FIGN: variants seen among roughly 807,000 people sequenced by gnomAD.
The protein encoded by FIGN is fidgetin, microtubule severing factor.
In FIGN, 11 loss-of-function variants were observed where a neutral mutation model predicts 51.3. The observed-to-expected ratio is 0.21, with a 90% CI of 0.13 to 0.35. The LOEUF is 0.35. FIGN is among the 10% of genes least tolerant of loss of function. The pLI is 1.00. For synonymous variants in FIGN, 407 were observed against 363.2 expected, an observed-to-expected ratio of 1.12 and a Z score of -1.37; for missense variants, 857 against 943.6, an observed-to-expected ratio of 0.91 and a Z score of 1.20.
At chr2:163,691,804 A>G (rs974543025) in intron 2 of FIGN, among the ~76,000 whole-genome samples, 1 of 152,160 alleles carries the variant, frequency 6.6e-6, no homozygotes, top group East Asian at 1.9e-4. Flanking sequence ...TTGTGGAATA[A>G]AGAGGAAAAT....
chr2:163,609,949 C>T lies in FIGN; in HGVS notation c.1883G>A (p.Cys628Tyr). Reference protein sequence around the residue: ...TSAEDQIVVICATSKPEEIDE... With the variant: ...TSAEDQIVVIYATSKPEEIDE... ...TATTTCTTCTGGTTTACTGGTGGCA[C>T]AAATTACTACGATTTGGTCCTCAGC... is the stretch of plus-strand genomic sequence containing the variant. Residue 628 changes from cysteine to tyrosine, a missense_variant, in exon 3 of 3, where the codon TGT becomes TAT. Cys to Tyr is a radical substitution (Grantham distance 194). This residue lies in a region of FIGN where 799 missense variants were observed against 849.5 expected (regional missense o/e 0.94). Coordinates refer to ENST00000333129, the MANE Select transcript of FIGN (RefSeq NM_018086.4). 6.2e-7 allele frequency: 1 copy of T among 1,613,956 alleles called. No individual in the cohort carries two copies. The highest frequency in any genetic ancestry group is 8.5e-7 in the Non-Finnish European group (1 of 1,180,004).
chr2:163,690,586 T>A (rs1226320108), intron 2 of FIGN, among the ~76,000 whole-genome samples: 1 of 151,534 alleles, frequency 6.6e-6, no homozygotes, highest in Non-Finnish European at 1.5e-5. Flanking sequence ...ACAATACCAG[T>A]CTAGTCTAGG....
At chr2:163,678,879 A>C (rs1437698983) in intron 2 of FIGN, among the ~76,000 whole-genome samples, 3 of 152,168 alleles carry the variant, frequency 2.0e-5, no homozygotes, top group Non-Finnish European at 4.4e-5. Flanking sequence ...CAGTTCATTG[A>C]AGAAATCATG....
chr2:163,635,266 A>G (rs1366112845), intron 2 of FIGN, among the ~76,000 whole-genome samples: 1 of 152,186 alleles, frequency 6.6e-6, no homozygotes, highest in Non-Finnish European at 1.5e-5. Flanking sequence ...TTTAAATATT[A>G]TGTTTAAAAG....
chr2:163,716,639 T>C (rs974401026), intron 2 of FIGN, among the ~76,000 whole-genome samples: 8 of 152,220 alleles, frequency 5.3e-5, no homozygotes, highest in Non-Finnish European at 1.0e-4. Context: ...TTTCTTTTGT[T>C]TGAATAACAG....
At chr2:163,697,028 C>T (rs567654886) in intron 2 of FIGN, among the ~76,000 whole-genome samples, 1 of 150,634 alleles carries the variant, frequency 6.6e-6, no homozygotes, top group East Asian at 2.0e-4. Context: ...AATTTAAGCG[C>T]TTATTAAAGG....
chr2:163,624,523 A>G (rs901413358), intron 2 of FIGN, among the ~76,000 whole-genome samples: 9 of 151,560 alleles, frequency 5.9e-5, no homozygotes, highest in Non-Finnish European at 1.3e-4. Flanking sequence ...TTGTGACTCC[A>G]CTTTTTCCAT....
intron 2 of FIGN, among the ~76,000 whole-genome samples, chr2:163,658,108 A>G (rs566429409): frequency 2.0e-5 from 3 of 152,140 alleles, no homozygotes; most frequent in Non-Finnish European, 2.9e-5. Flanking sequence ...TTTGGGAGGA[A>G]TAAGTTGTTG....
Position 163,609,755 on chromosome 2 carries a change from C to T in FIGN, c.2077G>A (p.Val693Met), listed in dbSNP as rs754458758. The change falls in exon 3 of 3, where the codon GTG becomes ATG. Residue 693 changes from valine (V) to methionine (M), a missense_variant. Val to Met is a conservative substitution (Grantham distance 21). Transcript: ENST00000333129. ...QRTEGFSGLD[V>M]AHLCQEAVVG... ...ACTGCTTCCTGACACAAATGAGCCA[C>T]ATCTAGTCCAGAAAAGCCTTCTGTG... The T allele has an allele frequency of 6.2e-7, 1 of 1,614,134 alleles. No individual in the cohort carries two copies. The highest frequency in any genetic ancestry group is 8.5e-7 in the Non-Finnish European group (1 of 1,180,018).
At chr2:163,702,235 T>C (rs1684418947) in intron 2 of FIGN, among the ~76,000 whole-genome samples, 1 of 152,152 alleles carries the variant, frequency 6.6e-6, no homozygotes, top group African/African-American at 2.4e-5. Context: ...AATTTTGTAC[T>C]ATTGTTCTCA....
intron 2 of FIGN, among the ~76,000 whole-genome samples, chr2:163,671,644 C>A (rs1047755296): frequency 1.3e-5 from 2 of 152,032 alleles, no homozygotes; most frequent in African/African-American, 4.8e-5. Flanking sequence ...CAGAAAGTAA[C>A]CAAAAATCAA....
At chr2:163,631,286 A>G (rs1172702478) in intron 2 of FIGN, among the ~76,000 whole-genome samples, 1 of 152,226 alleles carries the variant, frequency 6.6e-6, no homozygotes, top group Non-Finnish European at 1.5e-5. Flanking sequence ...TGTGATACAT[A>G]ACGTAAGCAT....
intron 2 of FIGN, among the ~76,000 whole-genome samples, chr2:163,664,952 C>T (rs1298293391): frequency 1.3e-5 from 2 of 152,202 alleles, no homozygotes; most frequent in Admixed American, 6.5e-5. Flanking sequence ...CTGACTGTCT[C>T]CTGTGTGGAA....
Position 163,718,842 on chromosome 2 carries a change from A to C in FIGN, c.25+16061T>G, listed in dbSNP as rs780431088. ...ATATATATATAAGACAGAGAGAGTG[A>C]GAGAGAGAGAGAGAGAGAGACATAT... On this transcript the variant is annotated intron_variant, in intron 2 of 2. Coordinates refer to ENST00000333129, the MANE Select transcript of FIGN (RefSeq NM_018086.4). Among the ~76,000 whole-genome samples the C allele has an allele frequency of 4.1e-3, 608 of 148,792 alleles. 6 individuals carry two copies. Among genetic ancestry groups the C allele is most frequent in the African/African-American group, 0.012 (475 of 40,572 alleles).
At chr2:163,705,470 G>C (rs1181373453) in intron 2 of FIGN, among the ~76,000 whole-genome samples, 1 of 152,072 alleles carries the variant, frequency 6.6e-6, no homozygotes, top group Non-Finnish European at 1.5e-5. Flanking sequence ...CAGAGAGGTT[G>C]TGTTTTTACC....
chr2:163,704,758 A>G (rs1047797930), intron 2 of FIGN, among the ~76,000 whole-genome samples: 14 of 151,798 alleles, frequency 9.2e-5, no homozygotes, highest in African/African-American at 3.4e-4. Context: ...TAAGACAACT[A>G]CTAACAGTAA....
chr2:163,675,036 A>G (rs79545664), intron 2 of FIGN, among the ~76,000 whole-genome samples: 3,493 of 152,310 alleles, frequency 0.023, 130 homozygotes, highest in African/African-American at 0.079. Context: ...GTCTTTATCT[A>G]TGAAAGTATT....
chr2:163,618,752 G>T (rs954517716), intron 2 of FIGN, among the ~76,000 whole-genome samples: 1 of 151,966 alleles, frequency 6.6e-6, no homozygotes, highest in Non-Finnish European at 1.5e-5. Flanking sequence ...CTTTGTCATG[G>T]TGCTCCTACC....
At position 163,602,626 on chromosome 2, in the gene FIGN, A is replaced by T. The variant is rs949782796; in HGVS notation, c.*6926T>A. On this transcript the variant is annotated 3_prime_UTR_variant, in exon 3 of 3. Transcript: ENST00000333129. ...CAAACTGCAATTTTTTTAACTCAGA[A>T]TTTTTTTTTATTTGAGGTATGCTTG... 3.3e-5 allele frequency: 5 copies of T among 151,760 alleles called. No homozygotes were observed. The highest frequency in any genetic ancestry group is 1.2e-4 in the African/African-American group (5 of 41,448). 9.4% of individuals were successfully genotyped at this position (151,760 alleles called of 1,614,324 possible).
Sources: allele counts gnomAD v4.1 joint callset (sites outside exome capture counted in the v4.1 genomes callset), GRCh38; gene constraint gnomAD v4.1.1; regional missense constraint gnomAD v4.1.1; transcripts MANE v1.5; gene names NCBI Gene and HGNC (gene_info 2026-07-23, HGNC 2026-07-21).